The following ZNF558 variants were observed in gnomAD, a reference collection of about 807,000 sequenced individuals.
ZNF558 encodes the protein zinc finger protein 558.
ZNF558 carries 23 observed loss-of-function variants against 37.6 expected under a neutral mutation model. The ratio of observed to expected loss-of-function variants is 0.61; its 90% CI spans 0.44 to 0.87. The LOEUF (loss-of-function observed/expected upper bound fraction) is 0.87, where lower values mean the gene tolerates loss of function less well. Among genes scored for constraint, ZNF558 ranks in the 40% least tolerant of loss-of-function variants. The probability of loss-of-function intolerance (pLI) is 0.00; values close to 1 mark genes in which losing one functional copy is unlikely to be tolerated. For missense variants in ZNF558, 429 were observed against 483.7 expected, an observed-to-expected ratio of 0.89 and a Z score of 1.06; for synonymous variants, 189 against 174.4, an observed-to-expected ratio of 1.08 and a Z score of -0.66.
Position 8,807,394 on chromosome 19 carries a change from G to A in ZNF558, c.*3887C>T, listed in dbSNP as rs574005774. Reference sequence around the variant, plus strand: ...AACTCTACTTGAATTGTCCTAGTCTGTGGGTGTCAACCTGAGTTCCTGCTG... The same window carrying A: ...AACTCTACTTGAATTGTCCTAGTCTATGGGTGTCAACCTGAGTTCCTGCTG... On this transcript the variant is annotated 3_prime_UTR_variant, in exon 10 of 10. Transcript: ENST00000601372. 92 of 152,346 alleles carry A rather than the reference G, an allele frequency of 6.0e-4. 1 individual carries two copies. Among genetic ancestry groups the A allele is most frequent in the African/African-American group, 2.1e-3 (89 of 41,556 alleles). The allele number at this position is 152,346 out of a possible 1,614,324, so 9.4% of individuals were successfully genotyped here. A position where few individuals can be genotyped will look rare whatever the true frequency, so the allele number is the denominator to read the frequency against.
At chr19:8,837,151 T>A (rs1005619430), upstream of ZNF558, among the ~76,000 whole-genome samples, 1 of 152,212 alleles carries the variant, frequency 6.6e-6, no homozygotes, top group Non-Finnish European at 1.5e-5. Flanking sequence ...CATTGATAAG[T>A]ACCAGTTTCT....
chr19:8,828,755 A>G (rs993477148), intron 2 of ZNF558, among the ~76,000 whole-genome samples: 6 of 151,886 alleles, frequency 4.0e-5, no homozygotes, highest in African/African-American at 1.5e-4. Flanking sequence ...TGAGGTCAGG[A>G]GTTTGAGGCC....
At chr19:8,836,243 A>G (rs1437105785), upstream of ZNF558, among the ~76,000 whole-genome samples, 1 of 152,220 alleles carries the variant, frequency 6.6e-6, no homozygotes, top group East Asian at 1.9e-4. Flanking sequence ...ATAAAAGTGG[A>G]AAAATAAAAT....
rs1847468477 is a variant in ZNF558, at chr19:8,811,892, T to A, written c.598A>T (p.Arg200Ter). The A allele has an allele frequency of 6.2e-7, 1 of 1,614,190 alleles. No homozygotes were observed. Among genetic ancestry groups the A allele is most frequent in the Non-Finnish European group, 8.5e-7 (1 of 1,180,034 alleles). ...SSRSYLTIHK[R>*]IHNGEKPYEC... Reference sequence around the variant, plus strand: ...TAGGGTTTCTCCCCATTATGGATTCTCTTATGAATAGTAAGGTAAGATCTG... The same window carrying A: ...TAGGGTTTCTCCCCATTATGGATTCACTTATGAATAGTAAGGTAAGATCTG... Residue 200 changes from arginine (R) to a stop codon, truncating the protein, a stop_gained, in exon 10 of 10, where the codon AGA becomes TGA. Coordinates refer to ENST00000601372, the MANE Select transcript of ZNF558 (RefSeq NM_144693.3). LOFTEE classifies it high-confidence loss of function.
rs2043760574 is a variant in ZNF558, at chr19:8,810,602, T to C, written c.*679A>G. On this transcript the variant is annotated 3_prime_UTR_variant, in exon 10 of 10. Coordinates refer to ENST00000601372, the MANE Select transcript of ZNF558 (RefSeq NM_144693.3). The stretch of plus-strand genomic sequence containing the variant: ...GAGTGAATTAATAGGAGTTACTGAA[T>C]GCTATTTCATATTGATTAGAGTAGA... The C allele has an allele frequency of 6.6e-6, 1 of 152,228 alleles. No homozygotes were observed. The highest frequency in any genetic ancestry group is 6.5e-5 in the Admixed American group (1 of 15,286). 9.4% of individuals were successfully genotyped at this position (152,228 alleles called of 1,614,324 possible). A position where few individuals can be genotyped will look rare whatever the true frequency, so the allele number is the denominator to read the frequency against.
At chr19:8,832,416 A>C (rs1285834054), upstream of ZNF558, 2 of 152,988 alleles carry the variant, frequency 1.3e-5, no homozygotes, top group Non-Finnish European at 2.9e-5. Flanking sequence ...CTTAGGCGAC[A>C]GGCGCGGCGG....
At chr19:8,832,801 G>A (rs1415671399), upstream of ZNF558, among the ~76,000 whole-genome samples, 3 of 152,148 alleles carry the variant, frequency 2.0e-5, no homozygotes, top group Non-Finnish European at 2.9e-5. Context: ...TTTCCGGGGC[G>A]GGGCTGAGCG....
intron 2 of ZNF558, among the ~76,000 whole-genome samples, chr19:8,826,141 C>T (rs551392718): frequency 6.6e-5 from 10 of 152,170 alleles, no homozygotes; most frequent in South Asian, 2.1e-4. Flanking sequence ...AGATGAAAAA[C>T]GCAGGAAATG....
upstream of ZNF558, among the ~76,000 whole-genome samples, chr19:8,837,198 G>A (rs58030020): frequency 6.0e-3 from 917 of 152,300 alleles, 15 homozygotes; most frequent in African/African-American, 0.019. Context: ...AAAGCTGTAC[G>A]AATGTGCATA....
chr19:8,821,434 G>C, intron 6 of ZNF558, 128 bp from the exon 7 acceptor site: 1 of 1,570,336 alleles, frequency 6.4e-7, no homozygotes, highest in Non-Finnish European at 8.6e-7. Context: ...GGGTGGTTCT[G>C]AGCTCACCTC....
rs1426856169 is a variant in ZNF558 at position 8,806,680 on chromosome 19, AGAGT to A, written c.*4597_*4600del. 9.0e-5 allele frequency: 13 copies of A among 144,866 alleles called. No homozygotes were observed. Among genetic ancestry groups the A allele is most frequent in the African/African-American group, 2.6e-4 (10 of 38,236 alleles). 9.0% of individuals were successfully genotyped at this position (144,866 alleles called of 1,614,324 possible). ...TGCCACTGCACTCCAGCATGGCGAC[AGAGT>A]GAGACTCCATCTCAAAAAAAAAAAA... On this transcript the variant is annotated 3_prime_UTR_variant, in exon 10 of 10. Coordinates refer to ENST00000601372, the MANE Select transcript of ZNF558 (RefSeq NM_144693.3).
Position 8,811,509 on chromosome 19 carries a change from T to C in ZNF558, c.981A>G (p.Lys327=), listed in dbSNP as rs782775968. 3 of 1,614,182 alleles carry C rather than the reference T, an allele frequency of 1.9e-6. No homozygotes were observed. Among genetic ancestry groups the C allele is most frequent in the Middle Eastern group, 3.3e-4 (2 of 6,062 alleles). Residue 327 remains lysine, a synonymous_variant, in exon 10 of 10, where the codon AAA becomes AAG. Coordinates refer to ENST00000601372, the MANE Select transcript of ZNF558 (RefSeq NM_144693.3). ...TAAGAGAAAAGCTACTGCTGAAGGA[T>C]TTCCCACACTCGTTACATTCATAGG... is the stretch of plus-strand genomic sequence containing the variant. ...EKPYECNECG[K]SFSSSFSLTV...
Position 8,821,201 on chromosome 19 carries a change from A to C in ZNF558, c.226T>G (p.Cys76Gly). ...TLYRDVMLEN[C>G]RNLASLGCRV... The stretch of plus-strand genomic sequence containing the variant: ...TTACCTAGTGAGGCCAGGTTCCTGC[A>C]GTTCTCCAGCATCACATCCCTGTAC... The change falls in exon 7 of 10, where the codon TGC (cysteine) becomes GGC (glycine). Residue 76 changes from cysteine to glycine, a missense_variant. Cys to Gly is a radical substitution (Grantham distance 159, BLOSUM62 -3). Coordinates refer to ENST00000601372, the MANE Select transcript of ZNF558 (RefSeq NM_144693.3). The C allele has an allele frequency of 6.2e-7, 1 of 1,614,110 alleles. No individual in the cohort carries two copies. Among genetic ancestry groups the C allele is most frequent in the Non-Finnish European group, 8.5e-7 (1 of 1,179,958 alleles).
chr19:8,836,221 C>T (rs2044453704), upstream of ZNF558, among the ~76,000 whole-genome samples: 1 of 151,964 alleles, frequency 6.6e-6, no homozygotes, highest in African/African-American at 2.4e-5. Flanking sequence ...TTCAGTTAGG[C>T]ATAATAAGAG....
intron 7 of ZNF558, among the ~76,000 whole-genome samples, chr19:8,814,953 T>C (rs2043894971): frequency 6.6e-6 from 1 of 152,212 alleles, no homozygotes; most frequent in South Asian, 2.1e-4. Context: ...TTTAGAACTG[T>C]TGTATGTTCT....
rs2043797709 is a variant in ZNF558, at chr19:8,811,764, A to G, written c.726T>C (p.Phe242=). The G allele has an allele frequency of 6.2e-7, 1 of 1,613,912 alleles. No homozygotes were observed. Among genetic ancestry groups the G allele is most frequent in the Non-Finnish European group, 8.5e-7 (1 of 1,179,958 alleles). Residue 242 remains phenylalanine, a synonymous_variant, in exon 10 of 10, where the codon TTT becomes TTC. Coordinates refer to ENST00000601372, the MANE Select transcript of ZNF558 (RefSeq NM_144693.3). ...GEKPYECNQC[F]HVFRTSCNLK... is the part of the protein sequence containing the mutation. ...GGTTACAACTGGTGCGGAAAACGTG[A>G]AAACACTGGTTACATTCATAGGGTT...
Position 8,821,493 on chromosome 19 carries a change from T to A in ZNF558, c.121-187A>T, listed in dbSNP as rs1009006061. On this transcript the variant is annotated intron_variant, in intron 6 of 9. Coordinates refer to ENST00000601372, the MANE Select transcript of ZNF558 (RefSeq NM_144693.3). ...AGGGTTCTGAGCTCCTCTCCTGGGG[T>A]TCTGAGCTCTTCTCCCTGGCTTCTG... is the stretch of plus-strand genomic sequence containing the variant. The A allele has an allele frequency of 4.1e-5, 60 of 1,450,790 alleles. No individual in the cohort carries two copies. The Admixed American group carries it at 5.3e-4, about 13-fold the overall frequency. The allele number at this position is 1,450,790 out of a possible 1,614,324, so 89.9% of individuals were successfully genotyped here.
intron 2 of ZNF558, among the ~76,000 whole-genome samples, chr19:8,829,574 T>C (rs986824484): frequency 5.9e-5 from 9 of 152,164 alleles, no homozygotes; most frequent in Non-Finnish European, 8.8e-5. Flanking sequence ...TGTTAGAAGG[T>C]AAACTTTATG....
intron 2 of ZNF558, among the ~76,000 whole-genome samples, chr19:8,828,791 G>A (rs147667359): frequency 6.6e-6 from 1 of 151,978 alleles, no homozygotes; most frequent in East Asian, 1.9e-4. Context: ...GTGAAACTCT[G>A]TCTCTACTCA....
Sources: allele counts gnomAD v4.1 joint callset (sites outside exome capture counted in the v4.1 genomes callset), GRCh38; gene constraint gnomAD v4.1.1; transcripts MANE v1.5; gene names NCBI Gene and HGNC (gene_info 2026-07-23, HGNC 2026-07-21).